SLC38A6: variants seen among roughly 807,000 people sequenced by gnomAD.
SLC38A6 encodes the protein N system amino acid transporter NAT-1.
SLC38A6 carries 73 observed loss-of-function variants against 65.0 expected under a neutral mutation model. That is an observed-to-expected ratio of 1.12 (90% CI 0.93 to 1.37). The LOEUF (loss-of-function observed/expected upper bound fraction) is 1.37, where lower values mean the gene tolerates loss of function less well. Among genes scored for constraint, SLC38A6 ranks in the 40% most tolerant of loss-of-function variants. SLC38A6 has a pLI of 0.00. For synonymous variants in SLC38A6, 183 were observed against 178.8 expected (o/e 1.02, Z -0.19); for missense variants, 561 against 531.1 (o/e 1.06, Z -0.55).
At chr14:61,030,546 G>A (rs2040914053) in intron 6 of SLC38A6, 23 bp downstream of exon 6, 1 of 1,499,340 alleles carries the variant, frequency 6.7e-7, no homozygotes, top group Non-Finnish European at 9.2e-7. Context: ...ATTTTACATT[G>A]TGTCCGTTCA....
chr14:61,030,021 C>T (rs2040856739), intron 5 of SLC38A6, among the ~76,000 whole-genome samples: 1 of 152,070 alleles, frequency 6.6e-6, no homozygotes, highest in African/African-American at 2.4e-5. Flanking sequence ...ACAGATAATC[C>T]AGTTACTAGC....
chr14:61,051,951 A>T lies in SLC38A6; in HGVS notation c.1195+20A>T. On this transcript the variant is annotated intron_variant, in intron 14 of 15. Coordinates refer to ENST00000267488, the MANE Select transcript of SLC38A6 (RefSeq NM_153811.3). ...TAGTTGGTAAGTTTTCTGTTTCAAA[A>T]AGTTCACATAATAAAATTGATAAAA... 6.2e-7 allele frequency: 1 copy of T among 1,604,884 alleles called. No homozygotes were observed. The highest frequency in any genetic ancestry group is 8.5e-7 in the Non-Finnish European group (1 of 1,177,400).
intron 5 of SLC38A6, among the ~76,000 whole-genome samples, chr14:61,025,707 A>AT (rs945291139): frequency 6.6e-6 from 1 of 152,078 alleles, no homozygotes; most frequent in Non-Finnish European, 1.5e-5. Context: ...AAAGATATAC[A>AT]TTTTTTTCTA....
At position 61,043,155 on chromosome 14, in the gene SLC38A6, TA is replaced by T; in HGVS notation, c.639del (p.Lys213AsnfsTer8). ...TCTGTTTACTTTTTTAGGTAATAAT[TA>T]AAAAATGGTCCATCCCTTGTCCTCT... ...MMFFALVVII[K>X]KWSIPCPLTL... On this transcript the variant is annotated frameshift_variant, in exon 9 of 16. Transcript: ENST00000267488. LOFTEE classifies it high-confidence loss of function. 6.5e-7 allele frequency: 1 copy of T among 1,529,102 alleles called. No individual in the cohort carries two copies. The allele number at this position is 1,529,102 out of a possible 1,614,324, so 94.7% of individuals were successfully genotyped here.
At chr14:61,006,662 AAGTC>A (rs2039144639) in intron 3 of SLC38A6, among the ~76,000 whole-genome samples, 1 of 152,246 alleles carries the variant, frequency 6.6e-6, no homozygotes, top group Non-Finnish European at 1.5e-5. Context: ...AGTCATTAAA[AAGTC>A]AGGAAACAAC....
At chr14:60,981,609 CG>C in intron 1 of SLC38A6, 1 of 1,481,906 alleles carries the variant, frequency 6.7e-7, no homozygotes. Flanking sequence ...TGAAAAGCGT[CG>C]GGTGGAAGAG....
At position 61,052,430 on chromosome 14, in the gene SLC38A6, AAG is replaced by A; in HGVS notation, c.*3_*4del. 6.4e-7 allele frequency: 1 copy of A among 1,560,024 alleles called. No homozygotes were observed. Among genetic ancestry groups the A allele is most frequent in the Non-Finnish European group, 8.6e-7 (1 of 1,157,534 alleles). ...CATTTTTGATTGGATTAATAAATAAAAGAAATATTTTCCTACTTCTTACAAGA... is the reference window on the plus strand; with the variant it reads ...CATTTTTGATTGGATTAATAAATAAAAAATATTTTCCTACTTCTTACAAGA... On this transcript the variant is annotated 3_prime_UTR_variant, in exon 16 of 16. Transcript: ENST00000267488.
chr14:61,032,438 C>G (rs1409627605), intron 6 of SLC38A6, among the ~76,000 whole-genome samples: 1 of 151,702 alleles, frequency 6.6e-6, no homozygotes, highest in East Asian at 1.9e-4. Context: ...TACATTGTTG[C>G]ATTGATTTTT....
In SLC38A6 at chr14:60,981,290, T is replaced by C. The variant is rs1239068164; in HGVS notation, c.13T>C (p.Trp5Arg). 9 of 1,606,694 alleles carry C rather than the reference T, an allele frequency of 5.6e-6. No individual in the cohort carries two copies. The highest frequency in any genetic ancestry group is 2.2e-5 in the South Asian group (2 of 89,232). MEAS[W>R]GSFNAERGWY... is the part of the protein sequence containing the mutation. ...GCTGGAGAGCAGCATGGAGGCGTCC[T>C]GGGGGAGCTTCAACGCTGAGCGGGG... Residue 5 changes from tryptophan (W) to arginine (R), a missense_variant, in exon 1 of 16, where the codon TGG becomes CGG. By Grantham distance (101) the Trp-to-Arg change is moderately radical. Transcript: ENST00000267488.
In SLC38A6 at chr14:61,068,689, C is replaced by T. The variant is rs527863758; in HGVS notation, c.1291-10121C>T. Among the ~76,000 whole-genome samples, 12 of 152,286 alleles carry T rather than the reference C, an allele frequency of 7.9e-5. No individual in the cohort carries two copies. In the South Asian group the frequency reaches 2.3e-3, roughly 29 times the overall value. Reference sequence around the variant, plus strand: ...CACATGGTAGTGCTTTTAACTTTACCCTGTTATACAGGTCACTGCTGGAAA... The same window carrying T: ...CACATGGTAGTGCTTTTAACTTTACTCTGTTATACAGGTCACTGCTGGAAA... On this transcript the variant is annotated intron_variant, in intron 15 of 16. Coordinates refer to the SLC38A6 transcript ENST00000354886.
chr14:60,987,988 T>C (rs1448966763), intron 3 of SLC38A6, among the ~76,000 whole-genome samples: 1 of 152,214 alleles, frequency 6.6e-6, no homozygotes, highest in Admixed American at 6.5e-5. Flanking sequence ...CATATGGCTG[T>C]CATCTGTTTC....
chr14:61,066,710 T>C (rs2043029291), intron 15 of SLC38A6, among the ~76,000 whole-genome samples: 3 of 152,194 alleles, frequency 2.0e-5, no homozygotes, highest in Admixed American at 2.0e-4. Context: ...ATACAAAATA[T>C]CAACCCTGTG....
chr14:61,020,481 T>C (rs2040287546), intron 5 of SLC38A6, among the ~76,000 whole-genome samples: 2 of 152,152 alleles, frequency 1.3e-5, no homozygotes, highest in South Asian at 4.1e-4. Flanking sequence ...ACTTTAAGTA[T>C]TGTTCAATCA....
At chr14:61,027,707 C>G (rs1036196551) in intron 5 of SLC38A6, among the ~76,000 whole-genome samples, 1 of 149,852 alleles carries the variant, frequency 6.7e-6, no homozygotes, top group African/African-American at 2.5e-5. Context: ...CTTTTTGTTT[C>G]TTTTCTGTAT....
chr14:61,066,257 A>C (rs2139937950), intron 15 of SLC38A6, among the ~76,000 whole-genome samples: 1 of 152,332 alleles, frequency 6.6e-6, no homozygotes. Context: ...AGGATGAATA[A>C]AGATATTGTG....
intron 3 of SLC38A6, among the ~76,000 whole-genome samples, chr14:60,988,281 C>G (rs1036098296): frequency 2.6e-5 from 4 of 152,298 alleles, no homozygotes; most frequent in East Asian, 1.9e-4. Context: ...AACCCCCCAG[C>G]TTTTAATCTC....
intron 4 of SLC38A6, among the ~76,000 whole-genome samples, chr14:61,016,979 T>C (rs530648527): frequency 6.6e-6 from 1 of 152,306 alleles, no homozygotes; most frequent in South Asian, 2.1e-4. Context: ...CTGGAGGAAA[T>C]ATATATAGCT....
intron 15 of SLC38A6, among the ~76,000 whole-genome samples, chr14:61,075,031 T>C (rs1043811930): frequency 2.6e-5 from 4 of 152,148 alleles, no homozygotes; most frequent in Non-Finnish European, 5.9e-5. Context: ...TGAAAATGGT[T>C]GGCAAGAGGA....
intron 15 of SLC38A6, among the ~76,000 whole-genome samples, chr14:61,067,555 C>G (rs1354279245): frequency 6.6e-6 from 1 of 152,154 alleles, no homozygotes; most frequent in Admixed American, 6.5e-5. Context: ...TTTACATCAG[C>G]ATTTTTAGCA....
Sources: allele counts gnomAD v4.1 joint callset (sites outside exome capture counted in the v4.1 genomes callset), GRCh38; gene constraint gnomAD v4.1.1; transcripts MANE v1.5; gene names NCBI Gene and HGNC (gene_info 2026-07-23, HGNC 2026-07-21).